RGS22: variants seen among roughly 807,000 people sequenced by gnomAD.
RGS22 encodes the protein regulator of G-protein signaling 22.
RGS22 carries 148 observed loss-of-function variants against 172.9 expected under a neutral mutation model. The ratio of observed to expected loss-of-function variants is 0.86; its 90% CI spans 0.75 to 0.98. The LOEUF is 0.98. RGS22 is among the 50% of genes least tolerant of loss of function. RGS22 has a pLI of 0.00. For missense variants in RGS22, 1,347 were observed against 1,440.8 expected (o/e 0.93, Z 1.05); for synonymous variants, 458 against 480.2 (o/e 0.95, Z 0.60).
chr8:100,013,398 G>A (rs930576146), intron 14 of RGS22, among the ~76,000 whole-genome samples: 1 of 152,148 alleles, frequency 6.6e-6, no homozygotes, highest in African/African-American at 2.4e-5. Flanking sequence ...TTTGGTGGAT[G>A]CCTACATCTA....
intron 14 of RGS22, among the ~76,000 whole-genome samples, chr8:100,031,361 A>C (rs531572662): frequency 4.4e-4 from 67 of 152,140 alleles, no homozygotes; most frequent in Non-Finnish European, 8.5e-4. Context: ...CAATCCAATA[A>C]GACAAAAATC....
At chr8:100,103,224 T>C (rs1190845034) in intron 2 of RGS22, among the ~76,000 whole-genome samples, 1 of 152,202 alleles carries the variant, frequency 6.6e-6, no homozygotes, top group Non-Finnish European at 1.5e-5. Flanking sequence ...GCTTGAATTT[T>C]ATGCTTTAGA....
At chr8:100,001,618 T>C (rs1161894297) in intron 18 of RGS22, among the ~76,000 whole-genome samples, 1 of 152,188 alleles carries the variant, frequency 6.6e-6, no homozygotes, top group Non-Finnish European at 1.5e-5. Context: ...AGGACTTTGG[T>C]CCAACAAAAT....
At chr8:100,000,208 T>C (rs1782299637) in intron 18 of RGS22, among the ~76,000 whole-genome samples, 1 of 152,156 alleles carries the variant, frequency 6.6e-6, no homozygotes, top group Non-Finnish European at 1.5e-5. Context: ...AATTTCTGGA[T>C]TGCTCAGTGG....
At chr8:100,028,140 A>G (rs1818380208) in intron 14 of RGS22, among the ~76,000 whole-genome samples, 1 of 152,182 alleles carries the variant, frequency 6.6e-6, no homozygotes, top group Non-Finnish European at 1.5e-5. Flanking sequence ...TGTGGGTCTT[A>G]TAACCCACAC....
At chr8:100,093,039 A>G (rs1812700803) in intron 3 of RGS22, 1 of 154,166 alleles carries the variant, frequency 6.5e-6, no homozygotes, top group Non-Finnish European at 1.4e-5. Flanking sequence ...GCATCATGGC[A>G]CATGTCTGAA....
At chr8:100,036,157 TA>T (rs571539138) in intron 14 of RGS22, among the ~76,000 whole-genome samples, 2,894 of 143,254 alleles carry the variant, frequency 0.02, 81 homozygotes, top group East Asian at 0.11. Flanking sequence ...ATCTCCAAAT[TA>T]AAAAAAAAAA....
chr8:99,965,822 C>T (rs902385975), intron 23 of RGS22, among the ~76,000 whole-genome samples: 8 of 151,998 alleles, frequency 5.3e-5, no homozygotes, highest in Admixed American at 1.3e-4. Context: ...AATCTAACTA[C>T]GTTTGCTCTT....
At chr8:100,000,022 A>C (rs77043357) in intron 18 of RGS22, among the ~76,000 whole-genome samples, 3,276 of 152,314 alleles carry the variant, frequency 0.022, 115 homozygotes, top group African/African-American at 0.068. Context: ...AACAGAGGCA[A>C]CAGGAAACAG....
At chr8:99,984,239 A>G (rs140056099) in intron 21 of RGS22, among the ~76,000 whole-genome samples, 1,620 of 152,276 alleles carry the variant, frequency 0.011, 10 homozygotes, top group Non-Finnish European at 0.015. Flanking sequence ...GTGGGCCATT[A>G]TCACACCACT....
chr8:100,091,686 C>T (rs770460424), intron 3 of RGS22, among the ~76,000 whole-genome samples: 11 of 151,790 alleles, frequency 7.2e-5, no homozygotes, highest in African/African-American at 2.2e-4. Context: ...GTTAAGAAAC[C>T]GACATTAGAT....
chr8:100,063,433 A>T lies in RGS22; in HGVS notation c.1335T>A (p.Asp445Glu). 1 of 1,582,316 alleles carries T rather than the reference A, an allele frequency of 6.3e-7. No homozygotes were observed. The highest frequency in any genetic ancestry group is 8.6e-7 in the Non-Finnish European group (1 of 1,166,726). The change falls in exon 8 of 28, where the codon GAT becomes GAA. Residue 445 changes from aspartate to glutamate, a missense_variant. Asp to Glu is a conservative substitution (Grantham distance 45). Coordinates refer to ENST00000360863, the MANE Select transcript of RGS22 (RefSeq NM_015668.5). Reference protein sequence around the residue: ...MDIERLKVLKDPGRHQRHLEK... With the variant: ...MDIERLKVLKEPGRHQRHLEK... Reference sequence around the variant, plus strand: ...AGAATTACCTTTGATGTCTTCCAGGATCCTTAAGAACTTTTAACCTCTCAA... The same window carrying T: ...AGAATTACCTTTGATGTCTTCCAGGTTCCTTAAGAACTTTTAACCTCTCAA...
intron 2 of RGS22, among the ~76,000 whole-genome samples, chr8:100,094,530 T>C (rs188077504): frequency 6.6e-6 from 1 of 152,198 alleles, no homozygotes; most frequent in Non-Finnish European, 1.5e-5. Context: ...CAATCACTTA[T>C]AGAATTTATA....
At chr8:100,013,085 G>C (rs1489645351) in intron 14 of RGS22, among the ~76,000 whole-genome samples, 2 of 148,732 alleles carry the variant, frequency 1.3e-5, no homozygotes, top group Non-Finnish European at 3.0e-5. Flanking sequence ...CGCCTCTTGG[G>C]TTCATGCCAT....
intron 1 of RGS22, 86 bp downstream of exon 1, chr8:100,105,811 G>A (rs1039364337): frequency 2.5e-6 from 3 of 1,192,204 alleles, no homozygotes; most frequent in African/African-American, 1.6e-5. Flanking sequence ...CCGCTAGGAG[G>A]GCAGGAGGTA....
intron 14 of RGS22, 63 bp from the exon 15 acceptor site, chr8:100,008,632 C>T (rs754260549): frequency 1.0e-5 from 13 of 1,270,934 alleles, no homozygotes; most frequent in Non-Finnish European, 1.4e-5. Context: ...TAGCAGACAC[C>T]TCAACATAGG....
chr8:100,080,277 T>C lies in RGS22; in HGVS notation c.196A>G (p.Lys66Glu), dbSNP rs770519864. 6.2e-7 allele frequency: 1 copy of C among 1,613,930 alleles called. No homozygotes were observed. The highest frequency in any genetic ancestry group is 1.1e-5 in the South Asian group (1 of 91,068). ...TTTTGTAGAATTTTTTTCAGTTGTT[T>C]TTCCAGAAATTGTGGAGCATCATTA... ...VANDAPQFLE[K>E]QLKKILQNQQ... The change falls in exon 4 of 28, where the codon AAA becomes GAA. Residue 66 changes from lysine to glutamate, a missense_variant. Transcript: ENST00000360863.
chr8:100,054,853 A>G (rs1418827934), intron 9 of RGS22, among the ~76,000 whole-genome samples: 2 of 152,190 alleles, frequency 1.3e-5, no homozygotes, highest in African/African-American at 2.4e-5. Flanking sequence ...TAAATCATAC[A>G]TGGGATGGCT....
In RGS22 at chr8:99,996,969, C is replaced by T. The variant is rs114396747; in HGVS notation, c.2950-439G>A. On this transcript the variant is annotated intron_variant, in intron 19 of 27. Coordinates refer to ENST00000360863, the MANE Select transcript of RGS22 (RefSeq NM_015668.5). ...ATATCATTTCCCCTTTCTTGGGAACCGCTCATAACAAACCTGTGCTATTGA... is the reference window on the plus strand; with the variant it reads ...ATATCATTTCCCCTTTCTTGGGAACTGCTCATAACAAACCTGTGCTATTGA... Among the ~76,000 whole-genome samples the T allele has an allele frequency of 2.7e-3, 415 of 152,258 alleles. 1 individual carries two copies. Among genetic ancestry groups the T allele is most frequent in the African/African-American group, 9.5e-3 (394 of 41,538 alleles).
Sources: allele counts gnomAD v4.1 joint callset (sites outside exome capture counted in the v4.1 genomes callset), GRCh38; gene constraint gnomAD v4.1.1; transcripts MANE v1.5; gene names NCBI Gene and HGNC (gene_info 2026-07-23, HGNC 2026-07-21).